LRRK2: variants seen among roughly 807,000 people sequenced by gnomAD.
The protein encoded by LRRK2 is leucine-rich repeat serine/threonine-protein kinase 2.
A neutral mutation model predicts 302.6 loss-of-function variants in LRRK2; 203 were observed. The ratio of observed to expected loss-of-function variants is 0.67; its 90% CI spans 0.60 to 0.75. The LOEUF is 0.75. Among genes scored for constraint, LRRK2 ranks in the 30% least tolerant of loss-of-function variants. The probability of loss-of-function intolerance (pLI) is 0.00; values close to 1 mark genes in which losing one functional copy is unlikely to be tolerated. For synonymous variants in LRRK2, 1,066 were observed against 1,031.9 expected, an observed-to-expected ratio of 1.03 and a Z score of -0.63; for missense variants, 2,830 against 2,951.0, an observed-to-expected ratio of 0.96 and a Z score of 0.95.
At chr12:40,299,000 A>G in intron 24 of LRRK2, 109 bp from the exon 25 acceptor site, 2 of 1,009,254 alleles carry the variant, frequency 2.0e-6, no homozygotes, top group East Asian at 5.6e-5. Flanking sequence ...TTTTTAAATT[A>G]ATGAGTCCTC....
chr12:40,326,487 A>C (rs1302436641), intron 38 of LRRK2, among the ~76,000 whole-genome samples: 2 of 150,986 alleles, frequency 1.3e-5, no homozygotes, highest in Admixed American at 6.6e-5. Flanking sequence ...GAAAAAAAAA[A>C]AGAAAAAAAA....
intron 44 of LRRK2, 144 bp downstream of exon 44, chr12:40,351,877 G>C (rs1224420442): frequency 1.1e-6 from 1 of 895,668 alleles, no homozygotes; most frequent in Admixed American, 2.3e-5. Context: ...AAGAGCAAAT[G>C]TGTTTTGCTT....
intron 38 of LRRK2, among the ~76,000 whole-genome samples, chr12:40,324,058 A>T (rs184967137): frequency 6.6e-6 from 1 of 152,164 alleles, no homozygotes; most frequent in African/African-American, 2.4e-5. Flanking sequence ...TGTATGCATT[A>T]TAACTACTTT....
rs965417462 is a variant in LRRK2, at chr12:40,266,922, G to T, written c.1656+3021G>T. On this transcript the variant is annotated intron_variant, in intron 14 of 50. Coordinates refer to ENST00000298910, the MANE Select transcript of LRRK2 (RefSeq NM_198578.4). The stretch of plus-strand genomic sequence containing the variant: ...AAACACCATATGTTCTCACTCATAA[G>T]TGGGAATTGAACAATGAGAACACAT... Among the ~76,000 whole-genome samples the T allele has an allele frequency of 2.0e-5, 3 of 149,308 alleles. No individual in the cohort carries two copies. The East Asian group carries it at 6.0e-4, about 30-fold the overall frequency.
At chr12:40,286,197 C>G (rs1477182713) in intron 19 of LRRK2, 1 of 152,034 alleles carries the variant, frequency 6.6e-6, no homozygotes, top group African/African-American at 2.4e-5. Context: ...CATGATTTCA[C>G]TGGCAGCTGG....
intron 14 of LRRK2, among the ~76,000 whole-genome samples, chr12:40,265,997 A>T (rs1316899128): frequency 1.3e-5 from 2 of 152,100 alleles, no homozygotes; most frequent in Admixed American, 6.6e-5. Context: ...ATACAAAAAT[A>T]AATTCAAGAT....
intron 14 of LRRK2, among the ~76,000 whole-genome samples, chr12:40,264,452 C>T (rs1009189698): frequency 6.6e-6 from 1 of 152,080 alleles, no homozygotes; most frequent in Admixed American, 6.6e-5. Flanking sequence ...AACCCTGTCT[C>T]TACTAAAAAT....
intron 7 of LRRK2, among the ~76,000 whole-genome samples, chr12:40,247,911 A>G (rs1452339113): frequency 2.0e-5 from 3 of 151,586 alleles, no homozygotes; most frequent in Non-Finnish European, 2.9e-5. Flanking sequence ...TGGTTCATCA[A>G]TCTTTGTGTT....
At chr12:40,349,549 T>C (rs1019407411) in intron 43 of LRRK2, among the ~76,000 whole-genome samples, 30 of 72,698 alleles carry the variant, frequency 4.1e-4, no homozygotes, top group African/African-American at 1.1e-3. Flanking sequence ...GGTCTCACTC[T>C]GTCACCCAGG....
At chr12:40,267,329 G>A (rs1943060854) in intron 14 of LRRK2, among the ~76,000 whole-genome samples, 1 of 152,146 alleles carries the variant, frequency 6.6e-6, no homozygotes, top group African/African-American at 2.4e-5. Context: ...TAACAACTGT[G>A]CATAAAACCA....
Position 40,321,193 on chromosome 12 carries a change from G to A in LRRK2, c.5170+5G>A. The A allele has an allele frequency of 6.2e-7, 1 of 1,610,330 alleles. No individual in the cohort carries two copies. The highest frequency in any genetic ancestry group is 8.5e-7 in the Non-Finnish European group (1 of 1,177,396). ...CTTACATGCTTTCAGGGAGAGGTAA[G>A]TATCTAATGAAGACTTATTAGATTT... On this transcript the variant is annotated splice_donor_5th_base_variant and intron_variant, in intron 35 of 50. Transcript: ENST00000298910.
At chr12:40,229,375 T>C (rs537678621) in intron 2 of LRRK2, among the ~76,000 whole-genome samples, 77 of 152,298 alleles carry the variant, frequency 5.1e-4, no homozygotes, top group African/African-American at 1.8e-3. Context: ...CCATTTAACA[T>C]GATATTCCAG....
intron 28 of LRRK2, among the ~76,000 whole-genome samples, chr12:40,306,740 T>C (rs1944839841): frequency 6.6e-6 from 1 of 152,186 alleles, no homozygotes; most frequent in Non-Finnish European, 1.5e-5. Flanking sequence ...ATACAATTAA[T>C]AGTTGTTTAA....
At chr12:40,326,918 A>T (rs1244073635) in intron 38 of LRRK2, among the ~76,000 whole-genome samples, 3 of 152,230 alleles carry the variant, frequency 2.0e-5, no homozygotes, top group Non-Finnish European at 4.4e-5. Flanking sequence ...TAAGTTAATT[A>T]TTTTAATATA....
chr12:40,338,076 GATATT>G (rs2136947716), intron 40 of LRRK2, among the ~76,000 whole-genome samples: 2 of 152,346 alleles, frequency 1.3e-5, no homozygotes, highest in Non-Finnish European at 2.9e-5. Context: ...GGGAAAGCTA[GATATT>G]ATATTGTTCT....
chr12:40,259,317 A>G (rs1942666728), intron 12 of LRRK2, among the ~76,000 whole-genome samples, 163 bp from the exon 13 acceptor site: 1 of 152,208 alleles, frequency 6.6e-6, no homozygotes, highest in Non-Finnish European at 1.5e-5. Context: ...AGTTTAGACA[A>G]TTAAAATTAT....
intron 7 of LRRK2, among the ~76,000 whole-genome samples, chr12:40,244,531 A>T (rs890839153): frequency 6.6e-6 from 1 of 152,086 alleles, no homozygotes; most frequent in Non-Finnish European, 1.5e-5. Flanking sequence ...TATATAAATA[A>T]GGGTTAATAT....
chr12:40,263,667 T>A (rs1425351834), intron 13 of LRRK2, 122 bp from the exon 14 acceptor site: 1 of 631,764 alleles, frequency 1.6e-6, no homozygotes, highest in Non-Finnish European at 2.7e-6. Context: ...AAACATGTAC[T>A]AGAAAAAAGT....
At chr12:40,302,972 T>C (rs1455043834) in intron 26 of LRRK2, 90 bp downstream of exon 26, 2 of 915,042 alleles carry the variant, frequency 2.2e-6, no homozygotes, top group Non-Finnish European at 3.5e-6. Context: ...ATAGAGGTAA[T>C]TGATTTCTAA....
Sources: allele counts gnomAD v4.1 joint callset (sites outside exome capture counted in the v4.1 genomes callset), GRCh38; gene constraint gnomAD v4.1.1; transcripts MANE v1.5; gene names NCBI Gene and HGNC (gene_info 2026-07-23, HGNC 2026-07-21).